GRK7: variants seen among roughly 807,000 people sequenced by gnomAD.
GRK7 encodes rhodopsin kinase GRK7.
In GRK7, 24 loss-of-function variants were observed where a neutral mutation model predicts 34.1. That is an observed-to-expected ratio of 0.70 (90% CI 0.51 to 0.99). The LOEUF (loss-of-function observed/expected upper bound fraction) is 0.99, where lower values mean the gene tolerates loss of function less well. Among genes scored for constraint, GRK7 ranks in the 50% least tolerant of loss-of-function variants. The pLI is 0.00. For missense variants in GRK7, 644 were observed against 707.3 expected (o/e 0.91, Z 1.02); for synonymous variants, 256 against 279.4 (o/e 0.92, Z 0.84).
chr3:141,762,722 C>T (rs1043435166), upstream of GRK7, among the ~76,000 whole-genome samples: 12 of 152,162 alleles, frequency 7.9e-5, no homozygotes, highest in South Asian at 2.1e-4. Context: ...GCCTCGCTGC[C>T]GCCTTGCAGT....
At chr3:141,802,621 T>C (rs1291679874) in intron 4 of GRK7, among the ~76,000 whole-genome samples, 1 of 152,238 alleles carries the variant, frequency 6.6e-6, no homozygotes, top group African/African-American at 2.4e-5. Context: ...GACAGTTCTC[T>C]GTCAGCAGCA....
At chr3:141,815,334 T>C (rs1711141590) in intron 5 of GRK7, among the ~76,000 whole-genome samples, 1 of 152,204 alleles carries the variant, frequency 6.6e-6, no homozygotes, top group African/African-American at 2.4e-5. Context: ...TTTTATCTGA[T>C]GATTAGTGAT....
intron 4 of GRK7, among the ~76,000 whole-genome samples, chr3:141,805,155 G>GC (rs1711017679): frequency 6.6e-6 from 1 of 151,784 alleles, no homozygotes; most frequent in Admixed American, 6.6e-5. Context: ...GACCCCGTGG[G>GC]CCCCCCTGCG....
At position 141,770,104 on chromosome 3, in the gene GRK7, G is replaced by A. The variant is rs187059572; in HGVS notation, c.-215+4366G>A. On this transcript the variant is annotated intron_variant, in intron 1 of 5. Transcript: ENST00000682958. The stretch of plus-strand genomic sequence containing the variant: ...TAATTTTTGTATTTTTAGTAAAGAC[G>A]GGGTTTCACCACGTTGGCCAGGCTG... 4.2e-4 allele frequency among the ~76,000 whole-genome samples: 64 copies of A among 152,190 alleles called. 1 individual carries two copies. Among genetic ancestry groups the A allele is most frequent in the East Asian group, 1.5e-3 (8 of 5,172 alleles).
intron 4 of GRK7, among the ~76,000 whole-genome samples, chr3:141,789,669 AAC>A (rs1553736379): frequency 3.3e-5 from 5 of 151,798 alleles, no homozygotes; most frequent in Non-Finnish European, 7.4e-5. Flanking sequence ...AAAAAAAAAA[AAC>A]ACAAAACAGT....
Position 141,817,329 on chromosome 3 carries a change from T to G in GRK7, c.*279T>G, listed in dbSNP as rs1302672693. On this transcript the variant is annotated 3_prime_UTR_variant, in exon 6 of 6. Coordinates refer to ENST00000682958, the MANE Select transcript of GRK7 (RefSeq NM_139209.3). ...AAAGCATCAGCCTTTTACCATCATGTCCCTGTGTATTACGCAAAGTCCTAG... is the reference window on the plus strand; with the variant it reads ...AAAGCATCAGCCTTTTACCATCATGGCCCTGTGTATTACGCAAAGTCCTAG... The G allele has an allele frequency of 6.0e-6, 2 of 331,132 alleles. No individual in the cohort carries two copies. The highest frequency in any genetic ancestry group is 1.1e-5 in the Non-Finnish European group (2 of 181,970). The allele number at this position is 331,132 out of a possible 1,614,324, so 20.5% of individuals were successfully genotyped here.
chr3:141,793,973 A>G (rs2084737762), intron 4 of GRK7, among the ~76,000 whole-genome samples: 1 of 152,126 alleles, frequency 6.6e-6, no homozygotes. Flanking sequence ...GCTCCAACCC[A>G]CGACTGGACC....
the GRK7 span, among the ~76,000 whole-genome samples, chr3:141,756,331 G>GGC: frequency 0.076 from 10,619 of 139,882 alleles, 1,337 homozygotes; most frequent in African/African-American, 0.27. Context: ...AAAAAAGGTG[G>GGC]GGGGGTGAAA....
At position 141,819,177 on chromosome 3, in the gene GRK7, G is replaced by A. The variant is rs1711184289; in HGVS notation, c.*2127G>A. Among the ~76,000 whole-genome samples, 1 of 152,202 alleles carries A rather than the reference G, an allele frequency of 6.6e-6. No homozygotes were observed. Among genetic ancestry groups the A allele is most frequent in the Non-Finnish European group, 1.5e-5 (1 of 68,040 alleles). On this transcript the variant is annotated 3_prime_UTR_variant, in exon 6 of 6. Transcript: ENST00000682958. The stretch of plus-strand genomic sequence containing the variant: ...GAGCACTCCAATGGTAGAGTTCTCA[G>A]GATTGGGCTTTATAGACGTTAGACA...
chr3:141,806,697 G>A (rs1184614678), intron 4 of GRK7, among the ~76,000 whole-genome samples: 1 of 152,004 alleles, frequency 6.6e-6, no homozygotes, highest in Non-Finnish European at 1.5e-5. Flanking sequence ...CAAATTCATA[G>A]AGAGAGAAAG....
intron 2 of GRK7, among the ~76,000 whole-genome samples, 135 bp downstream of exon 2, chr3:141,774,815 TA>T (rs1301901118): frequency 7.1e-5 from 10 of 141,368 alleles, no homozygotes; most frequent in Admixed American, 6.9e-4. Flanking sequence ...TTATTATTAT[TA>T]ATTATTATTA....
intron 4 of GRK7, among the ~76,000 whole-genome samples, chr3:141,788,703 G>A (rs1203447290): frequency 6.6e-6 from 1 of 152,192 alleles, no homozygotes; most frequent in African/African-American, 2.4e-5. Context: ...GGCCTGGGAG[G>A]CTGAAACCTG....
At chr3:141,751,335 G>A in the GRK7 span, among the ~76,000 whole-genome samples, 1 of 151,972 alleles carries the variant, frequency 6.6e-6, no homozygotes, top group African/African-American at 2.4e-5. Context: ...TTTATTGCAT[G>A]CCTGCTATAT....
At chr3:141,812,172 G>A (rs977811910) in intron 5 of GRK7, among the ~76,000 whole-genome samples, 1 of 152,152 alleles carries the variant, frequency 6.6e-6, no homozygotes, top group Non-Finnish European at 1.5e-5. Flanking sequence ...AAAATCCATT[G>A]TAATCTCTGT....
intron 4 of GRK7, among the ~76,000 whole-genome samples, chr3:141,806,714 G>T (rs1024139193): frequency 6.6e-6 from 1 of 151,972 alleles, no homozygotes; most frequent in African/African-American, 2.4e-5. Context: ...AAAGTAAAAT[G>T]GTGGTTGCCT....
At chr3:141,793,781 T>A (rs1272339497) in intron 4 of GRK7, among the ~76,000 whole-genome samples, 1 of 152,244 alleles carries the variant, frequency 6.6e-6, no homozygotes, top group Non-Finnish European at 1.5e-5. Flanking sequence ...CATGGCTGCA[T>A]AAATTTGGGG....
chr3:141,807,716 G>T lies in GRK7; in HGVS notation c.1122G>T (p.Trp374Cys). Residue 374 changes from tryptophan (W) to cysteine (C), a missense_variant, in exon 5 of 6, where the codon TGG (tryptophan) becomes TGT (cysteine). Coordinates refer to ENST00000682958, the MANE Select transcript of GRK7 (RefSeq NM_139209.3). The stretch of plus-strand genomic sequence containing the variant: ...TAAGTTATTCCTATCCTGTGGACTG[G>T]TTTGCCATGGGATGCAGCATTTATG... Reference protein sequence around the residue: ...EKVSYSYPVDWFAMGCSIYEM... With the variant: ...EKVSYSYPVDCFAMGCSIYEM... The T allele has an allele frequency of 6.2e-7, 1 of 1,614,018 alleles. No individual in the cohort carries two copies.
chr3:141,775,498 A>G (rs2084635206), intron 2 of GRK7, among the ~76,000 whole-genome samples: 1 of 152,156 alleles, frequency 6.6e-6, no homozygotes, highest in Admixed American at 6.5e-5. Flanking sequence ...AAGAATGACA[A>G]AGTTACATAA....
At chr3:141,772,244 G>T (rs572820445) in intron 1 of GRK7, among the ~76,000 whole-genome samples, 158 of 151,820 alleles carry the variant, frequency 1.0e-3, no homozygotes, top group African/African-American at 3.6e-3. Context: ...ACAGGCATGC[G>T]CCACCATGCG....
Sources: allele counts gnomAD v4.1 joint callset (sites outside exome capture counted in the v4.1 genomes callset), GRCh38; gene constraint gnomAD v4.1.1; transcripts MANE v1.5; gene names NCBI Gene and HGNC (gene_info 2026-07-23, HGNC 2026-07-21).